Variants in PTDSS1 observed in about 807,000 individuals in gnomAD.
The protein encoded by PTDSS1 is phosphatidylserine synthase 1, also known as PSS-1.
In PTDSS1, 45 loss-of-function variants were observed where a neutral mutation model predicts 70.5. The ratio of observed to expected loss-of-function variants is 0.64; its 90% CI spans 0.50 to 0.82. The LOEUF is 0.82. Among genes scored for constraint, PTDSS1 ranks in the 40% least tolerant of loss-of-function variants. The probability of loss-of-function intolerance (pLI) is 0.00; values close to 1 mark genes in which losing one functional copy is unlikely to be tolerated. For synonymous variants in PTDSS1, 188 were observed against 203.8 expected (o/e 0.92, Z 0.66); for missense variants, 417 against 586.1 (o/e 0.71, Z 2.98).
intron 2 of PTDSS1, among the ~76,000 whole-genome samples, chr8:96,280,938 A>T (rs1248663591): frequency 6.6e-6 from 1 of 152,180 alleles, no homozygotes; most frequent in Non-Finnish European, 1.5e-5. Flanking sequence ...TCTGTTGGGA[A>T]ATAAGATCTG....
At chr8:96,263,253 A>G (rs573140964) in intron 1 of PTDSS1, among the ~76,000 whole-genome samples, 2 of 152,186 alleles carry the variant, frequency 1.3e-5, no homozygotes, top group Non-Finnish European at 2.9e-5. Context: ...CTAGAGAACT[A>G]ATTCATCCTT....
intron 2 of PTDSS1, among the ~76,000 whole-genome samples, chr8:96,280,499 T>C (rs1268042359): frequency 6.6e-6 from 1 of 151,916 alleles, no homozygotes; most frequent in Non-Finnish European, 1.5e-5. Context: ...GAGCTGAGAT[T>C]GAAGCCTGCA....
intron 2 of PTDSS1, among the ~76,000 whole-genome samples, chr8:96,276,806 A>G (rs1312677307): frequency 6.6e-6 from 1 of 152,094 alleles, no homozygotes; most frequent in Non-Finnish European, 1.5e-5. Context: ...TTTGCATCCC[A>G]CAAAGGAGGT....
intron 1 of PTDSS1, among the ~76,000 whole-genome samples, chr8:96,272,184 G>T (rs932720338): frequency 6.6e-6 from 1 of 151,830 alleles, no homozygotes; most frequent in African/African-American, 2.4e-5. Flanking sequence ...CTTTTCCTTC[G>T]ATTTTGTTAC....
chr8:96,278,611 C>T (rs1457296122), intron 2 of PTDSS1, among the ~76,000 whole-genome samples: 2 of 152,312 alleles, frequency 1.3e-5, no homozygotes, highest in East Asian at 1.9e-4. Flanking sequence ...CTACCTTCAT[C>T]CCATTATAGC....
chr8:96,320,446 A>G (rs1811359078), intron 10 of PTDSS1, 101 bp downstream of exon 10: 1 of 1,012,692 alleles, frequency 9.9e-7, no homozygotes, highest in Non-Finnish European at 1.5e-6. Context: ...AAAGTTCCTT[A>G]GAAATTCATA....
At chr8:96,320,449 A>G in intron 10 of PTDSS1, 104 bp downstream of exon 10, 1 of 991,610 alleles carries the variant, frequency 1.0e-6, no homozygotes, top group South Asian at 1.5e-5. Flanking sequence ...GTTCCTTAGA[A>G]ATTCATAAAA....
chr8:96,314,710 CCT>C (rs1169852287), intron 9 of PTDSS1, among the ~76,000 whole-genome samples: 1 of 152,202 alleles, frequency 6.6e-6, no homozygotes, highest in Non-Finnish European at 1.5e-5. Flanking sequence ...CGTTCTCCTG[CCT>C]CAGCGTCCTG....
chr8:96,287,548 G>A (rs898541537), intron 4 of PTDSS1, among the ~76,000 whole-genome samples: 3 of 150,578 alleles, frequency 2.0e-5, no homozygotes, highest in Non-Finnish European at 3.0e-5. Context: ...GGCCTACTGC[G>A]AGGTCTGCCA....
At chr8:96,319,594 G>A (rs1384877240) in intron 9 of PTDSS1, among the ~76,000 whole-genome samples, 1 of 152,110 alleles carries the variant, frequency 6.6e-6, no homozygotes, top group African/African-American at 2.4e-5. Flanking sequence ...ATTTCATCTG[G>A]AAATTCTTAG....
intron 9 of PTDSS1, among the ~76,000 whole-genome samples, chr8:96,317,346 C>G (rs1310224584): frequency 1.3e-5 from 2 of 152,034 alleles, no homozygotes; most frequent in African/African-American, 4.8e-5. Flanking sequence ...ATGAGATGTG[C>G]CCACACACAC....
At chr8:96,303,126 C>A (rs1248935418) in intron 6 of PTDSS1, among the ~76,000 whole-genome samples, 1 of 152,208 alleles carries the variant, frequency 6.6e-6, no homozygotes, top group Non-Finnish European at 1.5e-5. Flanking sequence ...CACGCTGCAT[C>A]TCTCTTTATT....
intron 9 of PTDSS1, 127 bp from the exon 10 acceptor site, chr8:96,320,119 C>A: frequency 2.6e-6 from 2 of 759,976 alleles, no homozygotes; most frequent in Non-Finnish European, 4.5e-6. Context: ...GGGGTACCTG[C>A]TACCAGTGTT....
chr8:96,285,255 C>A (rs1810805671), intron 3 of PTDSS1, among the ~76,000 whole-genome samples: 1 of 152,096 alleles, frequency 6.6e-6, no homozygotes, highest in Admixed American at 6.5e-5. Context: ...GGGGAGCATC[C>A]CAGGCAAGAG....
At chr8:96,276,218 T>C (rs1411406381) in intron 2 of PTDSS1, among the ~76,000 whole-genome samples, 1 of 152,232 alleles carries the variant, frequency 6.6e-6, no homozygotes, top group Non-Finnish European at 1.5e-5. Flanking sequence ...TCTCTAAGTC[T>C]TTAGCGGGAG....
intron 9 of PTDSS1, among the ~76,000 whole-genome samples, chr8:96,317,606 G>A (rs916238182): frequency 6.6e-6 from 1 of 152,054 alleles, no homozygotes; most frequent in Non-Finnish European, 1.5e-5. Flanking sequence ...GTAGTGCCGT[G>A]AGCCTGTAGT....
rs1209134147 is a variant in PTDSS1 at position 96,304,130 on chromosome 8, ATCT to A, written c.848_850del (p.Ser283del). On this transcript the variant is annotated inframe_deletion, in exon 7 of 13. Coordinates refer to ENST00000517309, the MANE Select transcript of PTDSS1 (RefSeq NM_014754.3). ...CCTATGTTCGATGGTTTGACCCCAA[ATCT>A]TCTTTTCAGAGAGTAGCTGGAGTGT... The A allele has an allele frequency of 6.2e-7, 1 of 1,613,994 alleles. No homozygotes were observed. The highest frequency in any genetic ancestry group is 1.7e-5 in the Admixed American group (1 of 59,986).
chr8:96,304,420 T>C (rs1414630185), intron 7 of PTDSS1, among the ~76,000 whole-genome samples: 2 of 152,206 alleles, frequency 1.3e-5, no homozygotes, highest in African/African-American at 4.8e-5. Flanking sequence ...TAGAAACAGA[T>C]TAGATTCCGT....
At chr8:96,302,387 C>A (rs182417660) in intron 6 of PTDSS1, among the ~76,000 whole-genome samples, 1 of 152,270 alleles carries the variant, frequency 6.6e-6, no homozygotes, top group Non-Finnish European at 1.5e-5. Flanking sequence ...AGCCATGCTT[C>A]AAGTATTGCT....
Sources: gnomAD v4.1 joint callset for allele counts (sites outside exome capture counted in the v4.1 genomes callset) on GRCh38, gnomAD v4.1.1 for gene constraint, MANE v1.5 for transcripts, NCBI Gene and HGNC (gene_info 2026-07-23, HGNC 2026-07-21) for gene names.